Variants in BBS9 observed in about 807,000 individuals in gnomAD.
BBS9 encodes the protein protein PTHB1.
A neutral mutation model predicts 117.7 loss-of-function variants in BBS9; 89 were observed. The ratio of observed to expected loss-of-function variants is 0.76; its 90% CI spans 0.64 to 0.90. The LOEUF is 0.90. Ranked by LOEUF, BBS9 falls within the 40% of genes least tolerant of loss-of-function variation. The pLI is 0.00. For missense variants in BBS9, 982 were observed against 1,042.2 expected (o/e 0.94, Z 0.80); for synonymous variants, 379 against 370.9 (o/e 1.02, Z -0.25).
chr7:33,476,221 GA>G (rs1841782040), intron 19 of BBS9, among the ~76,000 whole-genome samples: 2 of 152,116 alleles, frequency 1.3e-5, no homozygotes, highest in Admixed American at 1.3e-4. Flanking sequence ...TGAATTTATG[GA>G]CTTTTTTTTT....
intron 21 of BBS9, among the ~76,000 whole-genome samples, chr7:33,627,692 C>T (rs1261393790): frequency 6.6e-6 from 1 of 152,216 alleles, no homozygotes. Context: ...TGATATTATA[C>T]CACAAAGCCG....
chr7:33,496,188 T>C (rs1341046772), intron 19 of BBS9, among the ~76,000 whole-genome samples: 1 of 152,128 alleles, frequency 6.6e-6, no homozygotes, highest in Non-Finnish European at 1.5e-5. Flanking sequence ...CCTTAATGGC[T>C]ACCCAAAATG....
chr7:33,600,183 TG>T (rs1335020844), intron 21 of BBS9, among the ~76,000 whole-genome samples: 1 of 152,196 alleles, frequency 6.6e-6, no homozygotes, highest in Admixed American at 6.5e-5. Flanking sequence ...GCCGGAAGAC[TG>T]GCATCTGTCT....
At chr7:33,409,071 A>G (rs1830630296) in intron 19 of BBS9, among the ~76,000 whole-genome samples, 1 of 151,652 alleles carries the variant, frequency 6.6e-6, no homozygotes, top group African/African-American at 2.4e-5. Flanking sequence ...TTGCTTGTTG[A>G]TTCGTTTACA....
chr7:33,286,187 T>A (rs1420505729), intron 9 of BBS9, among the ~76,000 whole-genome samples: 1 of 152,152 alleles, frequency 6.6e-6, no homozygotes, highest in African/African-American at 2.4e-5. Context: ...TTAGAAGTAC[T>A]GTCATCAAGA....
At chr7:33,244,752 C>G (rs1795074234) in intron 5 of BBS9, among the ~76,000 whole-genome samples, 1 of 152,118 alleles carries the variant, frequency 6.6e-6, no homozygotes, top group Non-Finnish European at 1.5e-5. Context: ...AAACAAAGTA[C>G]CCAAGTCACA....
intron 9 of BBS9, among the ~76,000 whole-genome samples, chr7:33,285,160 T>C (rs909213153): frequency 6.6e-6 from 1 of 152,180 alleles, no homozygotes; most frequent in Admixed American, 6.6e-5. Flanking sequence ...AGGGTAGTTA[T>C]AAAATATGTT....
chr7:33,528,047 T>C (rs1849924584), intron 20 of BBS9, among the ~76,000 whole-genome samples: 1 of 152,232 alleles, frequency 6.6e-6, no homozygotes, highest in Admixed American at 6.5e-5. Flanking sequence ...TATAATGTAA[T>C]ACAATTCCAT....
intron 20 of BBS9, among the ~76,000 whole-genome samples, chr7:33,527,590 C>T (rs1472902014): frequency 2.0e-5 from 3 of 152,238 alleles, no homozygotes; most frequent in Non-Finnish European, 4.4e-5. Context: ...GAGGCAATGC[C>T]TCGCCCTGCT....
At chr7:33,137,930 A>G (rs1790789329) in intron 1 of BBS9, among the ~76,000 whole-genome samples, 1 of 152,194 alleles carries the variant, frequency 6.6e-6, no homozygotes, top group African/African-American at 2.4e-5. Flanking sequence ...TTGCTCTGAA[A>G]TATTGTTGTT....
chr7:33,340,267 A>G (rs1816233587), intron 10 of BBS9, among the ~76,000 whole-genome samples: 1 of 152,130 alleles, frequency 6.6e-6, no homozygotes, highest in Non-Finnish European at 1.5e-5. Context: ...ATATGTGCAT[A>G]TTAGACACAT....
intron 19 of BBS9, among the ~76,000 whole-genome samples, chr7:33,389,710 A>T (rs926883404): frequency 9.8e-5 from 12 of 122,716 alleles, no homozygotes; most frequent in Admixed American, 3.3e-4. Flanking sequence ...AAAAAAAAAA[A>T]AAAAATTCAT....
chr7:33,481,806 A>C (rs978120096), intron 19 of BBS9, among the ~76,000 whole-genome samples: 1 of 152,178 alleles, frequency 6.6e-6, no homozygotes, highest in Non-Finnish European at 1.5e-5. Context: ...ATATAGGGAG[A>C]TATTTTAAGG....
intron 21 of BBS9, among the ~76,000 whole-genome samples, chr7:33,539,379 G>A (rs546670010): frequency 6.6e-6 from 1 of 152,314 alleles, no homozygotes; most frequent in African/African-American, 2.4e-5. Context: ...TAATGCACAG[G>A]ATTGTGCACC....
intron 19 of BBS9, among the ~76,000 whole-genome samples, chr7:33,481,741 A>G (rs895628984): frequency 1.3e-5 from 2 of 152,176 alleles, no homozygotes; most frequent in African/African-American, 4.8e-5. Flanking sequence ...TGTTTCTGTA[A>G]CCTAGGGGTG....
At chr7:33,176,456 G>A (rs1042788992) in intron 4 of BBS9, among the ~76,000 whole-genome samples, 7 of 152,144 alleles carry the variant, frequency 4.6e-5, no homozygotes, top group Non-Finnish European at 2.9e-5. Flanking sequence ...CTTGAATACT[G>A]TATGATTTTG....
chr7:33,445,715 AGGGACCTGGT>A, intron 19 of BBS9, among the ~76,000 whole-genome samples: 1 of 152,218 alleles, frequency 6.6e-6, no homozygotes, highest in South Asian at 2.1e-4. Flanking sequence ...GTGTTGAGGG[AGGGACCTGGT>A]GGGAGGTGAT....
At chr7:33,284,017 T>G (rs1347677543) in intron 9 of BBS9, among the ~76,000 whole-genome samples, 1 of 152,172 alleles carries the variant, frequency 6.6e-6, no homozygotes, top group African/African-American at 2.4e-5. Flanking sequence ...TCTTCATTGG[T>G]TAGGAAGCTG....
chr7:33,255,130 T>C (rs572111252), intron 5 of BBS9, among the ~76,000 whole-genome samples: 1 of 152,314 alleles, frequency 6.6e-6, no homozygotes, highest in African/African-American at 2.4e-5. Flanking sequence ...TTTTCTTTGC[T>C]GTGCAGAAAA....
Sources: allele counts gnomAD v4.1 joint callset (sites outside exome capture counted in the v4.1 genomes callset), GRCh38; gene constraint gnomAD v4.1.1; transcripts MANE v1.5; gene names NCBI Gene and HGNC (gene_info 2026-07-23, HGNC 2026-07-21).